NDFIP2: variants seen among roughly 807,000 people sequenced by gnomAD.
NDFIP2 encodes NEDD4 family-interacting protein 2.
Under a neutral mutation model 36.0 loss-of-function variants are expected in NDFIP2, and 19 were observed. The ratio of observed to expected loss-of-function variants is 0.53; its 90% CI spans 0.37 to 0.77. The LOEUF (loss-of-function observed/expected upper bound fraction) is 0.77, where lower values mean the gene tolerates loss of function less well. NDFIP2 is among the 30% of genes least tolerant of loss of function. The probability of loss-of-function intolerance (pLI) is 0.00; values close to 1 mark genes in which losing one functional copy is unlikely to be tolerated. For missense variants in NDFIP2, 446 were observed against 435.8 expected, an observed-to-expected ratio of 1.02 and a Z score of -0.21; for synonymous variants, 181 against 167.7, an observed-to-expected ratio of 1.08 and a Z score of -0.61.
chr13:79,511,338 C>G (rs1874077579), intron 1 of NDFIP2, among the ~76,000 whole-genome samples: 2 of 152,070 alleles, frequency 1.3e-5, no homozygotes, highest in African/African-American at 4.8e-5. Context: ...GTAAGCATGG[C>G]CATCACAAAA....
intron 1 of NDFIP2, among the ~76,000 whole-genome samples, chr13:79,501,264 C>G (rs1172292590): frequency 6.6e-6 from 1 of 152,020 alleles, no homozygotes; most frequent in African/African-American, 2.4e-5. Flanking sequence ...TGTCAAAACC[C>G]ATGGAAACAG....
chr13:79,515,503 C>T (rs776761603), intron 1 of NDFIP2, among the ~76,000 whole-genome samples: 28 of 152,290 alleles, frequency 1.8e-4, no homozygotes, highest in Middle Eastern at 3.4e-3. Flanking sequence ...TTGTCATATG[C>T]TAGCTCCCAC....
intron 2 of NDFIP2, among the ~76,000 whole-genome samples, chr13:79,531,800 T>C (rs142679338): frequency 3.7e-4 from 56 of 152,376 alleles, no homozygotes; most frequent in African/African-American, 1.3e-3. Context: ...AACTAGAATT[T>C]ACTCCATATC....
chr13:79,510,476 G>C (rs1290320802), intron 1 of NDFIP2, among the ~76,000 whole-genome samples: 2 of 151,480 alleles, frequency 1.3e-5, no homozygotes, highest in African/African-American at 2.4e-5. Flanking sequence ...TGAAAAATCA[G>C]CTGACTAAAG....
intron 1 of NDFIP2, among the ~76,000 whole-genome samples, chr13:79,502,102 T>C (rs776856430): frequency 4.6e-5 from 7 of 152,176 alleles, no homozygotes; most frequent in East Asian, 1.9e-4. Flanking sequence ...GGATGACTAA[T>C]TGACTGAATG....
chr13:79,503,661 C>G (rs1335802101), intron 1 of NDFIP2, among the ~76,000 whole-genome samples: 3 of 152,126 alleles, frequency 2.0e-5, no homozygotes, highest in Non-Finnish European at 2.9e-5. Context: ...GACCACTCAA[C>G]TGTAGATATC....
chr13:79,499,949 A>G (rs898606366), intron 1 of NDFIP2, among the ~76,000 whole-genome samples: 2 of 151,988 alleles, frequency 1.3e-5, no homozygotes, highest in Non-Finnish European at 2.9e-5. Flanking sequence ...GAGGGCTGAC[A>G]CTACCCAACT....
chr13:79,481,353 GC>G lies in NDFIP2; in HGVS notation c.152del (p.Pro51ArgfsTer70). Reference sequence around the variant, plus strand: ...GAGCCACAGGAAGTGAAGAGCTTCCGCCGGGAGACCGCGGCTGCAGGAACGG... The same window carrying G: ...GAGCCACAGGAAGTGAAGAGCTTCCGCGGGAGACCGCGGCTGCAGGAACGG... ...AGATGSEELP[P>X]GDRGCRNGGG... On this transcript the variant is annotated frameshift_variant, in exon 1 of 8. Transcript: ENST00000218652. LOFTEE classifies it high-confidence loss of function. 6.4e-7 allele frequency: 1 copy of G among 1,550,622 alleles called. No individual in the cohort carries two copies. Among genetic ancestry groups the G allele is most frequent in the African/African-American group, 1.4e-5 (1 of 73,548 alleles).
At chr13:79,487,697 A>G (rs1207253839) in intron 1 of NDFIP2, among the ~76,000 whole-genome samples, 4 of 152,146 alleles carry the variant, frequency 2.6e-5, no homozygotes, top group African/African-American at 9.7e-5. Context: ...ACACTTGCAA[A>G]CATTCTGCTG....
At chr13:79,549,457 G>A (rs1420283819) in intron 6 of NDFIP2, among the ~76,000 whole-genome samples, 1 of 151,940 alleles carries the variant, frequency 6.6e-6, no homozygotes, top group African/African-American at 2.4e-5. Context: ...GGAGGTTAGT[G>A]TGGGGCAGAG....
intron 1 of NDFIP2, among the ~76,000 whole-genome samples, chr13:79,500,137 A>G (rs909787587): frequency 2.0e-5 from 3 of 151,578 alleles, no homozygotes. Context: ...CTTTTCAACA[A>G]ATGGTGCTGG....
At chr13:79,497,660 GT>G (rs1282594237) in intron 1 of NDFIP2, among the ~76,000 whole-genome samples, 5,709 of 126,686 alleles carry the variant, frequency 0.045, 283 homozygotes, top group African/African-American at 0.13. Flanking sequence ...AGATTTCTGA[GT>G]TTTTTTTTTT....
chr13:79,508,134 T>C (rs1204517975), intron 1 of NDFIP2, among the ~76,000 whole-genome samples: 1 of 152,194 alleles, frequency 6.6e-6, no homozygotes, highest in East Asian at 1.9e-4. Context: ...CATGGGATAA[T>C]AGTTATTTAT....
chr13:79,507,773 AT>A (rs951546511), intron 1 of NDFIP2, among the ~76,000 whole-genome samples: 39 of 151,984 alleles, frequency 2.6e-4, no homozygotes, highest in African/African-American at 8.9e-4. Context: ...ATAGTTCTAT[AT>A]CCACCGTGGA....
chr13:79,541,618 G>A (rs1442697799), intron 4 of NDFIP2, among the ~76,000 whole-genome samples: 2 of 151,480 alleles, frequency 1.3e-5, no homozygotes, highest in African/African-American at 4.8e-5. Context: ...AGATTTGTTT[G>A]TCATCACTAC....
intron 3 of NDFIP2, among the ~76,000 whole-genome samples, chr13:79,539,395 G>A (rs1875371835): frequency 2.6e-5 from 4 of 152,122 alleles, no homozygotes; most frequent in Admixed American, 2.6e-4. Flanking sequence ...CATTACTAAT[G>A]GAGCACTGTC....
At position 79,485,370 on chromosome 13, in the gene NDFIP2, C is replaced by T. The variant is rs1009578062; in HGVS notation, c.321+3846C>T. Reference sequence around the variant, plus strand: ...GTATGAGGAAATGGAAAGCTTTACACACACTCAGCAAGAATGTGCAGGGAC... The same window carrying T: ...GTATGAGGAAATGGAAAGCTTTACATACACTCAGCAAGAATGTGCAGGGAC... On this transcript the variant is annotated intron_variant, in intron 1 of 7. Coordinates refer to ENST00000218652, the MANE Select transcript of NDFIP2 (RefSeq NM_019080.3). Among the ~76,000 whole-genome samples the T allele has an allele frequency of 3.3e-5, 5 of 152,316 alleles. No individual in the cohort carries two copies. In the East Asian group the frequency reaches 9.6e-4, roughly 29 times the overall value.
In NDFIP2 at chr13:79,481,299, C is replaced by T. The variant is rs781005596; in HGVS notation, c.96C>T (p.Thr32=). 1.3e-6 allele frequency: 2 copies of T among 1,540,774 alleles called. No homozygotes were observed. Among genetic ancestry groups the T allele is most frequent in the Non-Finnish European group, 1.7e-6 (2 of 1,146,428 alleles). The change falls in exon 1 of 8, where the codon ACC becomes ACT. Residue 32 remains threonine, a synonymous_variant. Coordinates refer to ENST00000218652, the MANE Select transcript of NDFIP2 (RefSeq NM_019080.3). ...CGGAGCTTCTCCGCGGAACCGCGACCAACGCGGAGGTCTCGGCGGCCGCTG... is the reference window on the plus strand; with the variant it reads ...CGGAGCTTCTCCGCGGAACCGCGACTAACGCGGAGGTCTCGGCGGCCGCTG... ...GAPELLRGTA[T]NAEVSAAAAG... is the part of the protein sequence containing the mutation.
intron 1 of NDFIP2, among the ~76,000 whole-genome samples, chr13:79,492,196 G>A (rs1000907409): frequency 6.6e-6 from 1 of 151,454 alleles, no homozygotes; most frequent in Non-Finnish European, 1.5e-5. Context: ...TAATTTTGGG[G>A]GTCTTAGGAC....
Sources: gnomAD v4.1 joint callset for allele counts (sites outside exome capture counted in the v4.1 genomes callset) on GRCh38, gnomAD v4.1.1 for gene constraint, MANE v1.5 for transcripts, NCBI Gene and HGNC (gene_info 2026-07-23, HGNC 2026-07-21) for gene names.